FAM161B: variants seen among roughly 807,000 people sequenced by gnomAD.
The protein encoded by FAM161B is FAM161 centrosomal protein B.
In FAM161B, 46 loss-of-function variants were observed where a neutral mutation model predicts 61.5. The observed-to-expected ratio is 0.75, with a 90% CI of 0.59 to 0.96. FAM161B has a LOEUF of 0.96. Ranked by LOEUF, FAM161B falls within the 40% of genes least tolerant of loss-of-function variation. The pLI is 0.00. For synonymous variants in FAM161B, 284 were observed against 302.7 expected (o/e 0.94, Z 0.64); for missense variants, 774 against 800.7 (o/e 0.97, Z 0.40).
chr14:73,937,540 T>G, intron 7 of FAM161B, 62 bp downstream of exon 7: 1 of 1,493,918 alleles, frequency 6.7e-7, no homozygotes, highest in Non-Finnish European at 9.1e-7. Context: ...AAAATTGTTT[T>G]GTAATTTTTC....
chr14:73,934,499 A>G, intron 8 of FAM161B, 105 bp from the exon 9 acceptor site: 2 of 1,068,272 alleles, frequency 1.9e-6, no homozygotes, highest in Admixed American at 3.0e-5. Context: ...AGCTCACTGC[A>G]GCCTGGACAG....
At position 73,934,022 on chromosome 14, in the gene FAM161B, G is replaced by A. The variant is rs533084647; in HGVS notation, c.*234C>T. On this transcript the variant is annotated 3_prime_UTR_variant, in exon 9 of 9. Coordinates refer to ENST00000286544, the MANE Select transcript of FAM161B (RefSeq NM_152445.3). ...TTTTTAGTAGAGGTGGAGTTTTGCC[G>A]TGTTGGCTGGACTGGTCTCAAACTC... The A allele has an allele frequency of 1.1e-4, 44 of 389,452 alleles. No individual in the cohort carries two copies. Among genetic ancestry groups the A allele is most frequent in the Non-Finnish European group, 1.7e-4 (37 of 218,382 alleles). The allele number at this position is 389,452 out of a possible 1,614,324, so 24.1% of individuals were successfully genotyped here.
intron 3 of FAM161B, among the ~76,000 whole-genome samples, chr14:73,943,997 T>C (rs1450856326): frequency 6.6e-6 from 1 of 152,210 alleles, no homozygotes; most frequent in Non-Finnish European, 1.5e-5. Context: ...GGCAGTGTGC[T>C]GGTGGTGGCA....
downstream of FAM161B, chr14:73,927,206 C>G (rs1192379806): frequency 1.6e-5 from 4 of 245,702 alleles, no homozygotes; most frequent in African/African-American, 9.3e-5. Context: ...CTGCCTCAGC[C>G]TCCTGAGTAG....
Position 73,944,606 on chromosome 14 carries a change from T to G in FAM161B, c.654A>C (p.Ala218=), listed in dbSNP as rs751459531. The change falls in exon 3 of 9, where the codon GCA becomes GCC. Residue 218 remains alanine (A), a synonymous_variant. Transcript: ENST00000286544. The stretch of plus-strand genomic sequence containing the variant: ...GGTAGACATGTGCAGGCACAGGCTG[T>G]GCCCGGAACTGCCTGTGGCACTCGG... ...EEAECHRQFR[A]QPVPAHVYLP... The G allele has an allele frequency of 4.8e-5, 78 of 1,613,912 alleles. No homozygotes were observed. The highest frequency in any genetic ancestry group is 6.4e-5 in the Non-Finnish European group (76 of 1,180,018).
the FAM161B span, among the ~76,000 whole-genome samples, chr14:73,923,940 A>G: frequency 1.3e-5 from 2 of 152,266 alleles, no homozygotes; most frequent in East Asian, 1.9e-4. Context: ...AGGAGCAAGT[A>G]TTTCCTAGAG....
chr14:73,946,094 A>G lies in FAM161B; in HGVS notation c.374+192T>C, dbSNP rs558333895. ...GCATCACTGGACTAAGTGTTGCCCA[A>G]AGTAATTCAGGATTCCTGGGGAGGA... is the stretch of plus-strand genomic sequence containing the variant. On this transcript the variant is annotated intron_variant, in intron 2 of 8. Transcript: ENST00000286544. 5.9e-5 allele frequency among the ~76,000 whole-genome samples: 9 copies of G among 152,342 alleles called. No homozygotes were observed. The East Asian group carries it at 1.7e-3, about 29-fold the overall frequency.
At chr14:73,928,918 CA>C (rs1352389420), downstream of FAM161B, among the ~76,000 whole-genome samples, 2 of 152,104 alleles carry the variant, frequency 1.3e-5, no homozygotes, top group African/African-American at 2.4e-5. Context: ...CACTGCACTC[CA>C]GCCTGGGAGA....
intron 4 of FAM161B, 51 bp from the exon 5 acceptor site, chr14:73,941,104 C>G (rs769326773): frequency 9.7e-7 from 1 of 1,034,078 alleles, no homozygotes; most frequent in Non-Finnish European, 1.3e-6. Context: ...TGATTAGTTT[C>G]TATCTTTTTT....
chr14:73,942,961 A>G (rs1389520424), intron 3 of FAM161B, among the ~76,000 whole-genome samples: 2 of 152,102 alleles, frequency 1.3e-5, no homozygotes, highest in African/African-American at 4.8e-5. Context: ...AGAGCTTGTT[A>G]ATAAATGTCA....
Position 73,944,981 on chromosome 14 carries a change from C to G in FAM161B, c.375-96G>C, listed in dbSNP as rs2056054415. ...CCCAGTCCTCCCTTCCCACTGGTCA[C>G]AGCTGGCTGCTCAGCCTAACACCAC... is the stretch of plus-strand genomic sequence containing the variant. On this transcript the variant is annotated intron_variant, in intron 2 of 8. Transcript: ENST00000286544. 1.1e-5 allele frequency: 12 copies of G among 1,078,106 alleles called. 1 individual carries two copies. The South Asian group carries it at 2.9e-4, about 26-fold the overall frequency. The allele number at this position is 1,078,106 out of a possible 1,614,324, so 66.8% of individuals were successfully genotyped here. A position where few individuals can be genotyped will look rare whatever the true frequency, so the allele number is the denominator to read the frequency against.
downstream of FAM161B, among the ~76,000 whole-genome samples, chr14:73,928,372 A>G (rs1014820883): frequency 6.6e-6 from 1 of 152,112 alleles, no homozygotes; most frequent in Non-Finnish European, 1.5e-5. Context: ...ACATGGGATG[A>G]AGAGATGGGC....
At chr14:73,923,631 A>G in the FAM161B span, 8 of 1,423,438 alleles carry the variant, frequency 5.6e-6, no homozygotes, top group Non-Finnish European at 7.6e-6. Context: ...AAACTTTGGC[A>G]CGAATATTTT....
At chr14:73,949,788 A>AAG in intron 1 of FAM161B, 185 bp downstream of exon 1, 2 of 758,326 alleles carry the variant, frequency 2.6e-6, no homozygotes, top group Admixed American at 5.8e-5. Flanking sequence ...ATTGCCTATC[A>AAG]AGAGCCTCGT....
intron 8 of FAM161B, among the ~76,000 whole-genome samples, chr14:73,935,421 G>A (rs1203989681): frequency 1.3e-5 from 2 of 151,760 alleles, no homozygotes; most frequent in African/African-American, 2.4e-5. Flanking sequence ...CCAGCTACTC[G>A]GGAGGCTGAG....
In FAM161B at chr14:73,944,427, G is replaced by T. The variant is rs777118007; in HGVS notation, c.833C>A (p.Ala278Glu). Residue 278 changes from alanine (A) to glutamate (E), a missense_variant, in exon 3 of 9, where the codon GCA becomes GAA. Physicochemically the swap from Ala to Glu is moderately radical, Grantham distance 107. Transcript: ENST00000286544. Reference sequence around the variant, plus strand: ...GGAGATCTTGGCTTCAGCTGTGGCTGCCAAGTCTCTCTGTCGAGCAGCTTC... The same window carrying T: ...GGAGATCTTGGCTTCAGCTGTGGCTTCCAAGTCTCTCTGTCGAGCAGCTTC... ...LKEAARQRDL[A>E]ATAEAKISKQ... 6.2e-7 allele frequency: 1 copy of T among 1,613,120 alleles called. No individual in the cohort carries two copies. The highest frequency in any genetic ancestry group is 8.5e-7 in the Non-Finnish European group (1 of 1,179,264).
rs760269505 is a variant in FAM161B at position 73,949,935 on chromosome 14, G to A, written c.54+38C>T. 5.6e-6 allele frequency: 9 copies of A among 1,610,788 alleles called. No homozygotes were observed. The African/African-American group carries it at 8.0e-5, about 14-fold the overall frequency. On this transcript the variant is annotated intron_variant, in intron 1 of 8. Transcript: ENST00000286544. ...CAACGCCCAACAGTTTCCTCTCCGG[G>A]ATTCCTTTCCCGGGGGCAGTCTCTT...
chr14:73,935,838 A>G, intron 8 of FAM161B, 111 bp downstream of exon 8: 6 of 1,222,326 alleles, frequency 4.9e-6, no homozygotes, highest in Non-Finnish European at 6.6e-6. Flanking sequence ...TTACATAAAT[A>G]CAGGATTATG....
Position 73,946,615 on chromosome 14 carries a change from A to C in FAM161B, c.55-10T>G. ...ACTCGGGGGGAAATATCTAAAATAGAATAGAAATAGGCTGTGGGTCAAACA... is the reference window on the plus strand; with the variant it reads ...ACTCGGGGGGAAATATCTAAAATAGCATAGAAATAGGCTGTGGGTCAAACA... On this transcript the variant is annotated splice_polypyrimidine_tract_variant and intron_variant, in intron 1 of 8. Coordinates refer to ENST00000286544, the MANE Select transcript of FAM161B (RefSeq NM_152445.3). The C allele has an allele frequency of 6.2e-7, 1 of 1,609,088 alleles. No homozygotes were observed. Among genetic ancestry groups the C allele is most frequent in the South Asian group, 1.1e-5 (1 of 90,932 alleles).
Sources: allele counts gnomAD v4.1 joint callset (sites outside exome capture counted in the v4.1 genomes callset), GRCh38; gene constraint gnomAD v4.1.1; transcripts MANE v1.5; gene names NCBI Gene and HGNC (gene_info 2026-07-23, HGNC 2026-07-21).